The following EYS variants were observed in gnomAD, a reference collection of about 807,000 sequenced individuals.
EYS encodes protein eyes shut homolog.
In EYS, 250 loss-of-function variants were observed where a neutral mutation model predicts 282.1. The observed-to-expected ratio is 0.89, with a 90% CI of 0.80 to 0.98. The LOEUF is 0.98. EYS is among the 50% of genes least tolerant of loss of function. The pLI is 0.00. For missense variants in EYS, 4,016 were observed against 3,709.0 expected (o/e 1.08, Z -2.15); for synonymous variants, 1,355 against 1,282.9 (o/e 1.06, Z -1.20).
chr6:64,698,482 G>C (rs1339213371), intron 22 of EYS, among the ~76,000 whole-genome samples: 1 of 152,042 alleles, frequency 6.6e-6, no homozygotes, highest in East Asian at 1.9e-4. Context: ...AAATGGACAA[G>C]TGGGATCTAA....
At chr6:64,677,815 C>T (rs1230822353) in intron 22 of EYS, among the ~76,000 whole-genome samples, 1 of 151,598 alleles carries the variant, frequency 6.6e-6, no homozygotes, top group African/African-American at 2.4e-5. Context: ...TCAATATGAA[C>T]TACAATTTGT....
At chr6:63,837,762 C>G (rs1771846057) in intron 36 of EYS, among the ~76,000 whole-genome samples, 1 of 152,144 alleles carries the variant, frequency 6.6e-6, no homozygotes, top group Non-Finnish European at 1.5e-5. Flanking sequence ...ATATTTATGA[C>G]TGGCTTGTGA....
chr6:64,241,199 A>C (rs547334644), intron 30 of EYS, among the ~76,000 whole-genome samples: 11 of 152,038 alleles, frequency 7.2e-5, no homozygotes, highest in Non-Finnish European at 1.6e-4. Flanking sequence ...ATTGGCCTGA[A>C]ATTTTCTTTT....
chr6:63,842,987 C>T (rs760583131), intron 36 of EYS, among the ~76,000 whole-genome samples: 6 of 152,116 alleles, frequency 3.9e-5, no homozygotes, highest in African/African-American at 1.4e-4. Context: ...GGTACCAGTA[C>T]CATGCTGTTT....
At chr6:65,398,886 G>A (rs180738351) in intron 7 of EYS, among the ~76,000 whole-genome samples, 1 of 152,190 alleles carries the variant, frequency 6.6e-6, no homozygotes, top group South Asian at 2.1e-4. Flanking sequence ...TTAGAAAACT[G>A]TTAAGGTTTA....
At chr6:63,955,586 C>T (rs1192170053) in intron 35 of EYS, among the ~76,000 whole-genome samples, 1 of 152,156 alleles carries the variant, frequency 6.6e-6, no homozygotes, top group East Asian at 1.9e-4. Context: ...CAATTGCTGG[C>T]TTTGCATTTC....
intron 2 of EYS, among the ~76,000 whole-genome samples, chr6:65,633,422 G>A (rs1363178281): frequency 6.6e-6 from 1 of 152,180 alleles, no homozygotes; most frequent in African/African-American, 2.4e-5. Flanking sequence ...ATACCAGAGA[G>A]TTTTCAAAGC....
chr6:65,661,564 T>C (rs1768002341), intron 1 of EYS, among the ~76,000 whole-genome samples: 1 of 152,032 alleles, frequency 6.6e-6, no homozygotes, highest in African/African-American at 2.4e-5. Flanking sequence ...ATGAATGAGA[T>C]ATTCTTGCCT....
intron 22 of EYS, among the ~76,000 whole-genome samples, chr6:64,807,345 A>G (rs1445482348): frequency 6.6e-6 from 1 of 152,090 alleles, no homozygotes; most frequent in African/African-American, 2.4e-5. Context: ...TTCAGCTTTG[A>G]TGACTGACAG....
intron 33 of EYS, among the ~76,000 whole-genome samples, chr6:64,011,645 G>T (rs1465667346): frequency 6.6e-6 from 1 of 150,818 alleles, no homozygotes; most frequent in African/African-American, 2.4e-5. Flanking sequence ...TCTTTTTAAG[G>T]TACCTATGTT....
chr6:64,539,253 A>G (rs139832421), intron 26 of EYS, among the ~76,000 whole-genome samples: 136 of 152,262 alleles, frequency 8.9e-4, no homozygotes, highest in African/African-American at 3.1e-3. Flanking sequence ...TGTTATATGT[A>G]TTTTACCACA....
intron 5 of EYS, among the ~76,000 whole-genome samples, chr6:65,465,500 A>G (rs1168131095): frequency 6.6e-6 from 1 of 152,040 alleles, no homozygotes; most frequent in Non-Finnish European, 1.5e-5. Context: ...AACAAACACC[A>G]ACCAAACAAA....
At chr6:65,242,472 CATCTA>C (rs1429113496) in intron 12 of EYS, among the ~76,000 whole-genome samples, 1 of 152,050 alleles carries the variant, frequency 6.6e-6, no homozygotes. Flanking sequence ...TTTGTATCGC[CATCTA>C]ATCTTTCATT....
chr6:65,542,600 C>T (rs1190804032), intron 2 of EYS, among the ~76,000 whole-genome samples: 2 of 151,870 alleles, frequency 1.3e-5, no homozygotes, highest in Non-Finnish European at 2.9e-5. Context: ...ACAGCAACCT[C>T]GGTCATATTC....
chr6:65,442,727 C>G (rs1157250295), intron 5 of EYS, among the ~76,000 whole-genome samples: 1 of 150,942 alleles, frequency 6.6e-6, no homozygotes, highest in South Asian at 2.1e-4. Context: ...GCACTCCAGG[C>G]TGGGTGACAG....
chr6:65,123,866 A>T (rs1437071391), intron 12 of EYS, among the ~76,000 whole-genome samples: 2 of 152,046 alleles, frequency 1.3e-5, no homozygotes, highest in African/African-American at 4.8e-5. Flanking sequence ...GAAAACAGTC[A>T]CTTTATCAGA....
chr6:64,961,996 A>T (rs900413443), intron 14 of EYS, among the ~76,000 whole-genome samples: 4 of 152,094 alleles, frequency 2.6e-5, no homozygotes, highest in Admixed American at 1.3e-4. Flanking sequence ...AACTCTAGTG[A>T]AGTCACCAAA....
At chr6:65,050,138 A>G (rs1329984769) in intron 13 of EYS, among the ~76,000 whole-genome samples, 2 of 151,336 alleles carry the variant, frequency 1.3e-5, no homozygotes, top group African/African-American at 4.9e-5. Flanking sequence ...TAAAAATAAG[A>G]GAAAGGAATA....
chr6:65,387,823 T>C (rs902657795), intron 7 of EYS, among the ~76,000 whole-genome samples: 8 of 152,034 alleles, frequency 5.3e-5, no homozygotes, highest in South Asian at 2.1e-4. Flanking sequence ...ATTTTTATAA[T>C]GTTTAAGTTG....
Sources: allele counts gnomAD v4.1 joint callset (sites outside exome capture counted in the v4.1 genomes callset), GRCh38; gene constraint gnomAD v4.1.1; transcripts MANE v1.5; gene names NCBI Gene and HGNC (gene_info 2026-07-23, HGNC 2026-07-21).